Variants in NHS observed in about 807,000 individuals in gnomAD.
NHS encodes actin remodeling regulator NHS.
A neutral mutation model predicts 72.5 loss-of-function variants in NHS; 5 were observed. That is an observed-to-expected ratio of 0.07 (90% CI 0.04 to 0.14). The LOEUF (loss-of-function observed/expected upper bound fraction) is 0.14, where lower values mean the gene tolerates loss of function less well. Among genes scored for constraint, NHS ranks in the 10% least tolerant of loss-of-function variants. NHS has a pLI of 1.00. For missense variants in NHS, 1,072 were observed against 1,355.7 expected, an observed-to-expected ratio of 0.79 and a Z score of 3.29; for synonymous variants, 464 against 547.7, an observed-to-expected ratio of 0.85 and a Z score of 2.13.
At chrX:17,697,246 A>G (rs1487619183) in intron 3 of NHS, among the ~76,000 whole-genome samples, 1 of 111,113 alleles carries the variant, frequency 9.0e-6, no homozygotes, top group African/African-American at 3.3e-5. Context: ...AAACCAAAAA[A>G]TTCAAGGACA....
At chrX:17,394,453 C>G in intron 1 of NHS, among the ~76,000 whole-genome samples, 1 of 112,225 alleles carries the variant, frequency 8.9e-6, no homozygotes, top group Non-Finnish European at 1.9e-5. Flanking sequence ...ATAGAGGTGA[C>G]TATGTAATTT....
rs199872711 is a variant in NHS at position 17,575,351 on chromosome X, CCATCACCAGTTTTTAAAATA to C, written c.566-112347_566-112328del. ...GGCCATACTCCCTTGGCACACTGGC[CCATCACCAGTTTTTAAAATA>C]CATCACCAGTTTTTAAAATACATCA... is the stretch of plus-strand genomic sequence containing the variant. On this transcript the variant is annotated intron_variant, in intron 1 of 8. Transcript: ENST00000676302. Among the ~76,000 whole-genome samples the C allele has an allele frequency of 7.0e-3, 784 of 112,717 alleles. 2 individuals are homozygous for C. The highest frequency in any genetic ancestry group is 0.014 in the Middle Eastern group (3 of 217).
At chrX:17,400,600 AAAG>A (rs2064498518) in intron 1 of NHS, among the ~76,000 whole-genome samples, 1 of 111,176 alleles carries the variant, frequency 9.0e-6, no homozygotes, top group South Asian at 3.8e-4. Context: ...AGAAAAAAAA[AAAG>A]AGAGAGAATG....
chrX:17,709,240 A>G lies in NHS; in HGVS notation c.853-10104A>G, dbSNP rs754982409. Among the ~76,000 whole-genome samples, 3 of 111,730 alleles carry G rather than the reference A, an allele frequency of 2.7e-5. No individual in the cohort carries two copies. In the East Asian group the frequency reaches 8.5e-4, roughly 32 times the overall value. On this transcript the variant is annotated intron_variant, in intron 3 of 8. Coordinates refer to ENST00000676302, the MANE Select transcript of NHS (RefSeq NM_001291867.2). ...ATCAGCACAACACCTGGCCTATGGA[A>G]TGATACAGCTATTGACCACAATAAA...
chrX:17,626,032 G>A (rs2147065427), intron 1 of NHS, among the ~76,000 whole-genome samples: 1 of 112,142 alleles, frequency 8.9e-6, no homozygotes, highest in East Asian at 2.8e-4. Context: ...TCCAATAACT[G>A]AATGCAGTAT....
chrX:17,604,228 TCACACACACACA>T (rs59367930), intron 1 of NHS, among the ~76,000 whole-genome samples: 7 of 92,271 alleles, frequency 7.6e-5, no homozygotes, highest in East Asian at 6.7e-4. Flanking sequence ...TATTAATAGA[TCACACACACACA>T]CACACACACA....
At chrX:17,511,145 T>G (rs901007321) in intron 1 of NHS, among the ~76,000 whole-genome samples, 1 of 112,121 alleles carries the variant, frequency 8.9e-6, no homozygotes, top group South Asian at 3.7e-4. Flanking sequence ...ACCTTACTTG[T>G]GGGTGGGCAG....
intron 1 of NHS, among the ~76,000 whole-genome samples, chrX:17,598,576 T>C (rs896817231): frequency 9.0e-6 from 1 of 111,608 alleles, no homozygotes; most frequent in Non-Finnish European, 1.9e-5. Flanking sequence ...GGTACTATCA[T>C]TATCCTCACT....
chrX:17,659,304 C>G (rs2065971758), intron 1 of NHS, among the ~76,000 whole-genome samples: 1 of 111,972 alleles, frequency 8.9e-6, no homozygotes, highest in Non-Finnish European at 1.9e-5. Flanking sequence ...GACTTTGGCT[C>G]TGGACAAGTC....
intron 1 of NHS, among the ~76,000 whole-genome samples, chrX:17,647,462 T>C (rs2065911094): frequency 8.9e-6 from 1 of 111,894 alleles, no homozygotes; most frequent in South Asian, 3.7e-4. Flanking sequence ...AATTACAGCA[T>C]TCTTTCCTTC....
chrX:17,466,869 T>A (rs958249372), intron 1 of NHS, among the ~76,000 whole-genome samples: 1 of 112,140 alleles, frequency 8.9e-6, no homozygotes, highest in African/African-American at 3.2e-5. Flanking sequence ...CTTTGCAGGT[T>A]CCTTTCATGG....
At chrX:17,618,653 T>C (rs755598065) in intron 1 of NHS, among the ~76,000 whole-genome samples, 1 of 112,360 alleles carries the variant, frequency 8.9e-6, no homozygotes, top group African/African-American at 3.2e-5. Flanking sequence ...CAGAGTCATA[T>C]ATGTTCTTGA....
intron 1 of NHS, among the ~76,000 whole-genome samples, chrX:17,387,144 C>T (rs896028693): frequency 1.7e-4 from 19 of 112,220 alleles, no homozygotes; most frequent in African/African-American, 5.8e-4. Flanking sequence ...ATTGTTGCAG[C>T]AGCCACAGGT....
chrX:17,562,589 T>G (rs2065421312), intron 1 of NHS, among the ~76,000 whole-genome samples: 1 of 110,345 alleles, frequency 9.1e-6, no homozygotes, highest in Admixed American at 9.6e-5. Flanking sequence ...CACAAAGGGG[T>G]GGGTATGTAG....
chrX:17,456,201 C>T (rs2064824910), intron 1 of NHS, among the ~76,000 whole-genome samples: 1 of 111,829 alleles, frequency 8.9e-6, no homozygotes, highest in Non-Finnish European at 1.9e-5. Flanking sequence ...ATGTGTATAC[C>T]TCTACACATC....
chrX:17,446,352 A>T (rs2064779580), intron 1 of NHS, among the ~76,000 whole-genome samples: 2 of 111,166 alleles, frequency 1.8e-5, no homozygotes, highest in South Asian at 7.7e-4. Flanking sequence ...TGTGACCCGC[A>T]CGTATACATC....
chrX:17,553,193 G>A (rs754869706), intron 1 of NHS, among the ~76,000 whole-genome samples: 17 of 112,822 alleles, frequency 1.5e-4, no homozygotes, highest in Non-Finnish European at 2.3e-4. Flanking sequence ...AGTCAGGAAA[G>A]ATAGATAGTG....
At chrX:17,551,716 C>T (rs1318953411) in intron 1 of NHS, among the ~76,000 whole-genome samples, 2 of 111,335 alleles carry the variant, frequency 1.8e-5, no homozygotes, top group African/African-American at 3.3e-5. Flanking sequence ...GGAGGGTGGC[C>T]TCTCAGCGTG....
intron 1 of NHS, among the ~76,000 whole-genome samples, chrX:17,561,564 GCGCGCGCGCGCACA>G (rs1180562417): frequency 0.023 from 1,520 of 66,443 alleles, 41 homozygotes; most frequent in African/African-American, 0.11. Flanking sequence ...GCATGCGCGC[GCGCGCGCGCGCACA>G]CACACACACA....
Sources: gnomAD v4.1 joint callset for allele counts (sites outside exome capture counted in the v4.1 genomes callset) on GRCh38, gnomAD v4.1.1 for gene constraint, MANE v1.5 for transcripts, NCBI Gene and HGNC (gene_info 2026-07-23, HGNC 2026-07-21) for gene names.